The following ITGA1 variants were observed in gnomAD, a reference collection of about 807,000 sequenced individuals.
The protein encoded by ITGA1 is integrin subunit alpha 1, also known as integrin alpha-1.
ITGA1 carries 85 observed loss-of-function variants against 145.9 expected under a neutral mutation model. That is an observed-to-expected ratio of 0.58 (90% CI 0.49 to 0.70). The LOEUF is 0.70. Among genes scored for constraint, ITGA1 ranks in the 30% least tolerant of loss-of-function variants. The pLI is 0.00. For synonymous variants in ITGA1, 520 were observed against 495.3 expected, an observed-to-expected ratio of 1.05 and a Z score of -0.66; for missense variants, 1,351 against 1,418.7, an observed-to-expected ratio of 0.95 and a Z score of 0.77.
intron 1 of ITGA1, among the ~76,000 whole-genome samples, chr5:52,823,903 A>G (rs1223984987): frequency 1.3e-5 from 2 of 152,256 alleles, no homozygotes; most frequent in East Asian, 1.9e-4. Context: ...AATTAAACAT[A>G]TTATCAACGT....
intron 14 of ITGA1, 81 bp downstream of exon 14, chr5:52,910,500 G>A: frequency 6.9e-7 from 1 of 1,447,970 alleles, no homozygotes; most frequent in Non-Finnish European, 9.4e-7. Context: ...AACTTCATGA[G>A]TTATTTAATT....
chr5:52,888,414 C>T (rs1212595519), intron 8 of ITGA1, among the ~76,000 whole-genome samples: 1 of 152,136 alleles, frequency 6.6e-6, no homozygotes, highest in Non-Finnish European at 1.5e-5. Context: ...GCTTCCCTTC[C>T]CCGTCTGAGC....
intron 1 of ITGA1, among the ~76,000 whole-genome samples, chr5:52,797,274 GAT>G (rs1330078364): frequency 6.6e-6 from 1 of 151,954 alleles, no homozygotes. Flanking sequence ...GAGGCACACT[GAT>G]ATTTTTTAAA....
chr5:52,885,535 A>G (rs1750033141), intron 7 of ITGA1, among the ~76,000 whole-genome samples: 1 of 152,196 alleles, frequency 6.6e-6, no homozygotes, highest in African/African-American at 2.4e-5. Context: ...TGCACCAGAA[A>G]CCAGAGGCAG....
intron 6 of ITGA1, among the ~76,000 whole-genome samples, chr5:52,868,472 T>C (rs1011173678): frequency 6.6e-6 from 1 of 152,226 alleles, no homozygotes; most frequent in African/African-American, 2.4e-5. Flanking sequence ...CAGTTAGAAC[T>C]ATAATTAATT....
intron 1 of ITGA1, among the ~76,000 whole-genome samples, chr5:52,839,350 T>C (rs998502105): frequency 2.6e-5 from 4 of 152,260 alleles, no homozygotes; most frequent in African/African-American, 9.6e-5. Flanking sequence ...TATTTTATTT[T>C]TATTTACATC....
At chr5:52,895,677 A>G (rs367990882) in intron 9 of ITGA1, among the ~76,000 whole-genome samples, 111 of 152,260 alleles carry the variant, frequency 7.3e-4, no homozygotes, top group African/African-American at 2.6e-3. Context: ...ATGACATTTC[A>G]GATTATTTCT....
rs1365560986 is a variant in ITGA1, at chr5:52,937,454, C to T, written c.3018C>T (p.Phe1006=). ...CAGAGCTTAAGCTGTCAATTTCATTCCCCAATATGACATCAAATGGTTACC... is the reference window on the plus strand; with the variant it reads ...CAGAGCTTAAGCTGTCAATTTCATTTCCCAATATGACATCAAATGGTTACC... ...PMPELKLSIS[F]PNMTSNGYPV... is the part of the protein sequence containing the mutation. Residue 1006 remains phenylalanine (F), a synonymous_variant, in exon 24 of 29, where the codon TTC becomes TTT. Transcript: ENST00000282588. 9 of 1,613,734 alleles carry T rather than the reference C, an allele frequency of 5.6e-6. No individual in the cohort carries two copies. Among genetic ancestry groups the T allele is most frequent in the Non-Finnish European group, 5.9e-6 (7 of 1,179,736 alleles).
At chr5:52,946,145 C>T (rs1344355351) in intron 27 of ITGA1, among the ~76,000 whole-genome samples, 2 of 152,118 alleles carry the variant, frequency 1.3e-5, no homozygotes, top group African/African-American at 4.8e-5. Flanking sequence ...TAAAAGTGAT[C>T]ATTTTGTAAT....
intron 28 of ITGA1, among the ~76,000 whole-genome samples, chr5:52,952,080 C>T (rs1217050833): frequency 6.6e-6 from 1 of 151,846 alleles, no homozygotes; most frequent in African/African-American, 2.4e-5. Context: ...GTCCCAGCTA[C>T]CCAGGAGGCT....
At position 52,954,990 on chromosome 5, in the gene ITGA1, T is replaced by C. The variant is rs1751281621; in HGVS notation, c.*2539T>C. ...GAAAAACAGGTGATATTTAAGACTATTTATAAACTTATTGGCCAAATTGCC... is the reference window on the plus strand; with the variant it reads ...GAAAAACAGGTGATATTTAAGACTACTTATAAACTTATTGGCCAAATTGCC... On this transcript the variant is annotated 3_prime_UTR_variant, in exon 29 of 29. Coordinates refer to ENST00000282588, the MANE Select transcript of ITGA1 (RefSeq NM_181501.2). 6.6e-6 allele frequency: 1 copy of C among 152,208 alleles called. No individual in the cohort carries two copies. The highest frequency in any genetic ancestry group is 1.5e-5 in the Non-Finnish European group (1 of 68,046). 9.4% of individuals were successfully genotyped at this position (152,208 alleles called of 1,614,324 possible).
intron 2 of ITGA1, among the ~76,000 whole-genome samples, chr5:52,854,219 G>A (rs556577181): frequency 1.3e-5 from 2 of 152,186 alleles, no homozygotes; most frequent in East Asian, 3.9e-4. Flanking sequence ...GTACCAATGG[G>A]CTCATGTGAT....
intron 2 of ITGA1, among the ~76,000 whole-genome samples, chr5:52,858,323 A>G (rs1298747492): frequency 1.3e-5 from 2 of 152,176 alleles, no homozygotes; most frequent in Admixed American, 1.3e-4. Flanking sequence ...CTCAACTTCT[A>G]CTGCAGTTAT....
rs2111878978 is a variant in ITGA1 at position 52,925,264 on chromosome 5, T to C, written c.2404-14T>C. 1.9e-6 allele frequency: 3 copies of C among 1,605,594 alleles called. No individual in the cohort carries two copies. Among genetic ancestry groups the C allele is most frequent in the Non-Finnish European group, 2.6e-6 (3 of 1,172,366 alleles). On this transcript the variant is annotated splice_polypyrimidine_tract_variant and intron_variant, in intron 18 of 28. Transcript: ENST00000282588. The stretch of plus-strand genomic sequence containing the variant: ...AGCTAAATTTTGAAAAATTCTTTCC[T>C]GTCATCATTTCAGATTCCCTTTGCC...
At position 52,893,790 on chromosome 5, in the gene ITGA1, C is replaced by T. The variant is rs1289100513; in HGVS notation, c.1040C>T (p.Ala347Val). ...KHFFNVSDELALVTIVKTLGE... is the reference protein window; with the variant it reads ...KHFFNVSDELVLVTIVKTLGE... ...TTCTTCAATGTCTCTGATGAATTGG[C>T]TCTAGTCACCATTGTTAAAACTCTG... Residue 347 changes from alanine to valine, a missense_variant, in exon 9 of 29, where the codon GCT becomes GTT. By Grantham distance (64) the Ala-to-Val change is moderately conservative. Transcript: ENST00000282588. 1 of 1,612,518 alleles carries T rather than the reference C, an allele frequency of 6.2e-7. No homozygotes were observed. The highest frequency in any genetic ancestry group is 2.2e-5 in the East Asian group (1 of 44,798).
At chr5:52,852,102 C>T (rs1163878586) in intron 2 of ITGA1, among the ~76,000 whole-genome samples, 3 of 152,090 alleles carry the variant, frequency 2.0e-5, no homozygotes, top group African/African-American at 7.2e-5. Context: ...AGAAAAATGT[C>T]ACTCCAAGCT....
chr5:52,950,124 A>C (rs567342964), intron 28 of ITGA1, among the ~76,000 whole-genome samples: 11 of 152,290 alleles, frequency 7.2e-5, no homozygotes, highest in Admixed American at 6.5e-4. Context: ...GATGGGAGGA[A>C]TCTTGTAGGG....
chr5:52,892,149 C>G (rs967589922), intron 8 of ITGA1, among the ~76,000 whole-genome samples: 2 of 152,080 alleles, frequency 1.3e-5, no homozygotes, highest in Non-Finnish European at 2.9e-5. Context: ...AAATAAACAT[C>G]TCGTTTTCTT....
intron 23 of ITGA1, among the ~76,000 whole-genome samples, chr5:52,934,606 C>A (rs1465397659): frequency 2.6e-5 from 4 of 151,522 alleles, no homozygotes; most frequent in Non-Finnish European, 4.4e-5. Flanking sequence ...AAACTCTATA[C>A]CACTATAGCA....
Sources: allele counts gnomAD v4.1 joint callset (sites outside exome capture counted in the v4.1 genomes callset), GRCh38; gene constraint gnomAD v4.1.1; transcripts MANE v1.5; gene names NCBI Gene and HGNC (gene_info 2026-07-23, HGNC 2026-07-21).